DLG2: variants seen among roughly 807,000 people sequenced by gnomAD.
DLG2 encodes the protein discs large MAGUK scaffold protein 2.
A neutral mutation model predicts 132.5 loss-of-function variants in DLG2; 45 were observed. That is an observed-to-expected ratio of 0.34 (90% CI 0.27 to 0.44). The LOEUF is 0.44. Among genes scored for constraint, DLG2 ranks in the 20% least tolerant of loss-of-function variants. The pLI, the probability that DLG2 is intolerant of heterozygous loss-of-function variation, is 1.00. For synonymous variants in DLG2, 424 were observed against 419.6 expected (o/e 1.01, Z -0.13); for missense variants, 1,045 against 1,196.9 (o/e 0.87, Z 1.87).
intron 2 of DLG2, among the ~76,000 whole-genome samples, chr11:85,613,569 C>A (rs1007680486): frequency 7.2e-5 from 11 of 152,230 alleles, no homozygotes; most frequent in Admixed American, 4.6e-4. Flanking sequence ...CTGTGTCTAG[C>A]TAAAGGATTG....
At chr11:84,152,391 C>CT (rs763306023) in intron 9 of DLG2, among the ~76,000 whole-genome samples, 197 of 140,382 alleles carry the variant, frequency 1.4e-3, no homozygotes, top group Middle Eastern at 3.7e-3. Context: ...TTTGTTTTCT[C>CT]TTTTTTTTTT....
rs565393458 is a variant in DLG2, at chr11:84,053,827, C to T, written c.919+5488G>A. On this transcript the variant is annotated intron_variant, in intron 11 of 27. Coordinates refer to ENST00000376104, the MANE Select transcript of DLG2 (RefSeq NM_001142699.3). The stretch of plus-strand genomic sequence containing the variant: ...GGTATAGTAACTTCTACAGTTTGTG[C>T]ATTTCATAGTTACCATTTTTCCTGT... 3.2e-4 allele frequency among the ~76,000 whole-genome samples: 48 copies of T among 152,054 alleles called. No homozygotes were observed. In the South Asian group the frequency reaches 4.6e-3, roughly 14 times the overall value.
chr11:84,368,074 GT>G (rs2098691395), intron 7 of DLG2, among the ~76,000 whole-genome samples: 1 of 152,074 alleles, frequency 6.6e-6, no homozygotes, highest in South Asian at 2.1e-4. Context: ...CTCCAATGCT[GT>G]TTTGTGCTTT....
At chr11:83,634,572 T>C (rs1352599509) in intron 18 of DLG2, among the ~76,000 whole-genome samples, 5 of 152,142 alleles carry the variant, frequency 3.3e-5, no homozygotes, top group Non-Finnish European at 5.9e-5. Flanking sequence ...ATCAGTATAT[T>C]TCAGAAAACA....
At chr11:84,187,677 G>C (rs553102302) in intron 8 of DLG2, among the ~76,000 whole-genome samples, 1 of 152,092 alleles carries the variant, frequency 6.6e-6, no homozygotes, top group South Asian at 2.1e-4. Flanking sequence ...CTGCTCATAT[G>C]AACAGGATTT....
At chr11:84,368,583 G>A (rs966518807) in intron 7 of DLG2, among the ~76,000 whole-genome samples, 2 of 152,116 alleles carry the variant, frequency 1.3e-5, no homozygotes, top group African/African-American at 4.8e-5. Context: ...TGTGGTCTAA[G>A]TTAGATATTA....
chr11:85,456,430 T>G lies in DLG2; in HGVS notation c.40+142227A>C, dbSNP rs530628028. The stretch of plus-strand genomic sequence containing the variant: ...TCAAAAAACAAACTCCTGGATTTAT[T>G]GATCTTTTGTATGGTGTTTTCACAT... On this transcript the variant is annotated intron_variant, in intron 3 of 27. Coordinates refer to ENST00000376104, the MANE Select transcript of DLG2 (RefSeq NM_001142699.3). Among the ~76,000 whole-genome samples, 3 of 152,176 alleles carry G rather than the reference T, an allele frequency of 2.0e-5. No individual in the cohort carries two copies. The South Asian group carries it at 6.2e-4, about 32-fold the overall frequency.
At chr11:85,099,024 T>C (rs1418406323) in intron 6 of DLG2, among the ~76,000 whole-genome samples, 1 of 152,224 alleles carries the variant, frequency 6.6e-6, no homozygotes, top group Non-Finnish European at 1.5e-5. Context: ...CAAAGGACTA[T>C]GCTGCCTGCT....
At position 83,833,670 on chromosome 11, in the gene DLG2, C is replaced by T. The variant is rs2055242110; in HGVS notation, c.1666G>A (p.Ala556Thr). ...CCACTTAGGTCTGCTGGTCCACCAG[C>T]CAGAATGAAGGACACAAAAATACCT... ...GEGIFVSFIL[A>T]GGPADLSGEL... Residue 556 changes from alanine to threonine, a missense_variant, in exon 17 of 28, where the codon GCT becomes ACT. Ala to Thr is a moderately conservative substitution (Grantham distance 58, BLOSUM62 0). Coordinates refer to ENST00000376104, the MANE Select transcript of DLG2 (RefSeq NM_001142699.3). The T allele has an allele frequency of 1.2e-6, 2 of 1,614,054 alleles. No individual in the cohort carries two copies. Among genetic ancestry groups the T allele is most frequent in the African/African-American group, 1.3e-5 (1 of 75,020 alleles).
intron 3 of DLG2, among the ~76,000 whole-genome samples, chr11:85,583,120 G>GTATATATA (rs1420782345): frequency 8.6e-5 from 5 of 57,830 alleles, no homozygotes; most frequent in Admixed American, 5.9e-4. Context: ...GTGTGTGTGT[G>GTATATATA]TGTGTGTGTG....
intron 11 of DLG2, among the ~76,000 whole-genome samples, chr11:83,987,252 G>T (rs1197900491): frequency 3.9e-5 from 6 of 152,048 alleles, no homozygotes; most frequent in Non-Finnish European, 7.4e-5. Context: ...AATCAATATT[G>T]TGAAAATGGC....
At chr11:84,721,747 A>T (rs980046832) in intron 6 of DLG2, among the ~76,000 whole-genome samples, 2 of 152,170 alleles carry the variant, frequency 1.3e-5, no homozygotes, top group African/African-American at 4.8e-5. Context: ...TTGGAAACAG[A>T]TTCTGGCTCT....
intron 18 of DLG2, among the ~76,000 whole-genome samples, chr11:83,659,988 C>T (rs2073828918): frequency 6.6e-6 from 1 of 152,178 alleles, no homozygotes; most frequent in Admixed American, 6.5e-5. Context: ...ACTGGAATAT[C>T]TGCTTAAGCA....
chr11:84,650,844 C>T (rs1190612224), intron 6 of DLG2, among the ~76,000 whole-genome samples: 19 of 84,588 alleles, frequency 2.2e-4, no homozygotes, highest in African/African-American at 8.3e-4. Flanking sequence ...AATAAACTTT[C>T]CTGTATGTGT....
At chr11:83,824,011 CAAATACCACCATCATT>C (rs1167793173) in intron 17 of DLG2, among the ~76,000 whole-genome samples, 1 of 152,160 alleles carries the variant, frequency 6.6e-6, no homozygotes, top group Admixed American at 6.6e-5. Flanking sequence ...AACAGTATTC[CAAATACCACCATCATT>C]ACTGATTATC....
chr11:84,916,699 T>C (rs972216086), intron 6 of DLG2, among the ~76,000 whole-genome samples: 10 of 152,236 alleles, frequency 6.6e-5, no homozygotes, highest in African/African-American at 2.2e-4. Flanking sequence ...ATTTAAATGT[T>C]AGCTAAATGA....
At position 83,712,351 on chromosome 11, in the gene DLG2, G is replaced by A. The variant is rs181949858; in HGVS notation, c.1825+74339C>T. On this transcript the variant is annotated intron_variant, in intron 18 of 27. Coordinates refer to ENST00000376104, the MANE Select transcript of DLG2 (RefSeq NM_001142699.3). ...GTCATAAAAAGGATCAAGATTTGCC[G>A]GGCGTGGTGGCTTACACCTGTAATC... Among the ~76,000 whole-genome samples the A allele has an allele frequency of 7.9e-5, 12 of 152,166 alleles. No individual in the cohort carries two copies. The South Asian group carries it at 1.0e-3, about 13-fold the overall frequency.
intron 6 of DLG2, chr11:84,720,970 GAGGAA>G (rs1355188441): frequency 1.3e-5 from 2 of 152,290 alleles, no homozygotes; most frequent in Admixed American, 6.5e-5. Context: ...CTGAGAAAGG[GAGGAA>G]GCGCTGTGCT....
intron 6 of DLG2, among the ~76,000 whole-genome samples, chr11:85,082,503 A>T (rs1450480801): frequency 6.6e-6 from 1 of 152,096 alleles, no homozygotes; most frequent in Non-Finnish European, 1.5e-5. Context: ...ATGACTGTTT[A>T]AACTCCACCA....
Sources: gnomAD v4.1 joint callset for allele counts (sites outside exome capture counted in the v4.1 genomes callset) on GRCh38, gnomAD v4.1.1 for gene constraint, MANE v1.5 for transcripts, NCBI Gene and HGNC (gene_info 2026-07-23, HGNC 2026-07-21) for gene names.